The following MARCHF10 variants were observed in gnomAD, a reference collection of about 807,000 sequenced individuals.
The protein encoded by MARCHF10 is probable E3 ubiquitin-protein ligase MARCHF10.
MARCHF10 carries 64 observed loss-of-function variants against 76.2 expected under a neutral mutation model. The observed-to-expected ratio is 0.84, with a 90% CI of 0.69 to 1.03. The LOEUF is 1.03. Ranked by LOEUF, MARCHF10 falls within the 50% of genes least tolerant of loss-of-function variation. MARCHF10 has a pLI of 0.00. For missense variants in MARCHF10, 875 were observed against 958.0 expected (o/e 0.91, Z 1.14); for synonymous variants, 340 against 357.5 (o/e 0.95, Z 0.55).
chr17:62,781,593 A>G (rs529208114), intron 3 of MARCHF10, among the ~76,000 whole-genome samples: 1 of 152,294 alleles, frequency 6.6e-6, no homozygotes, highest in Admixed American at 6.5e-5. Context: ...ATGAAATCCA[A>G]CTGCTGCATA....
chr17:62,751,152 T>A (rs1221152194), intron 4 of MARCHF10, among the ~76,000 whole-genome samples: 1 of 152,190 alleles, frequency 6.6e-6, no homozygotes, highest in Non-Finnish European at 1.5e-5. Context: ...CTCAAACTGC[T>A]AACCTCGCTG....
chr17:62,742,943 T>C (rs1233402207), intron 5 of MARCHF10, among the ~76,000 whole-genome samples: 2 of 152,134 alleles, frequency 1.3e-5, no homozygotes, highest in Non-Finnish European at 2.9e-5. Context: ...AACCTCACCT[T>C]TCAAATAATA....
At chr17:62,767,205 A>G (rs2092352531) in intron 3 of MARCHF10, among the ~76,000 whole-genome samples, 1 of 152,196 alleles carries the variant, frequency 6.6e-6, no homozygotes, top group Non-Finnish European at 1.5e-5. Flanking sequence ...GAATGCTTAA[A>G]GTAGTACTTA....
intron 3 of MARCHF10, among the ~76,000 whole-genome samples, chr17:62,782,758 A>G (rs1003576536): frequency 6.6e-6 from 1 of 152,152 alleles, no homozygotes. Flanking sequence ...CTTGAGTTTC[A>G]TAAGAGATCT....
chr17:62,744,365 C>G lies in MARCHF10; in HGVS notation c.535+11G>C. On this transcript the variant is annotated intron_variant, in intron 5 of 10. Transcript: ENST00000311269. ...TCCAAGGACAAAGGTTCGGGAGCCCCGGGTCCTTACCTGCTCCCCTGGGAA... is the reference window on the plus strand; with the variant it reads ...TCCAAGGACAAAGGTTCGGGAGCCCGGGGTCCTTACCTGCTCCCCTGGGAA... 2.5e-6 allele frequency: 4 copies of G among 1,610,752 alleles called. No homozygotes were observed. The highest frequency in any genetic ancestry group is 2.5e-6 in the Non-Finnish European group (3 of 1,179,080).
chr17:62,771,476 G>T lies in MARCHF10; in HGVS notation c.211-11470C>A, dbSNP rs146260272. Among the ~76,000 whole-genome samples the T allele has an allele frequency of 4.6e-3, 700 of 152,218 alleles. 10 individuals carry two copies. Among genetic ancestry groups the T allele is most frequent in the African/African-American group, 0.015 (636 of 41,524 alleles). ...TGTAAGGAGAGCTAGATCTCGCAGG[G>T]CCTCGTTGGTTACATCCTCAAGCTA... is the stretch of plus-strand genomic sequence containing the variant. On this transcript the variant is annotated intron_variant, in intron 3 of 10. Transcript: ENST00000311269.
intron 3 of MARCHF10, among the ~76,000 whole-genome samples, chr17:62,774,288 A>G (rs74527486): frequency 0.027 from 4,153 of 152,274 alleles, 69 homozygotes; most frequent in East Asian, 0.059. Context: ...CTGAGATGCC[A>G]GGATGTGGCT....
At chr17:62,767,995 T>C (rs1474209759) in intron 3 of MARCHF10, among the ~76,000 whole-genome samples, 1 of 152,102 alleles carries the variant, frequency 6.6e-6, no homozygotes, top group Non-Finnish European at 1.5e-5. Flanking sequence ...CACCTCTGCC[T>C]ATCACCTTCC....
chr17:62,805,056 T>C (rs2093141713), intron 1 of MARCHF10: 1 of 152,292 alleles, frequency 6.6e-6, no homozygotes, highest in East Asian at 1.9e-4. Flanking sequence ...CCCTGAACAA[T>C]GGGGAAAACT....
rs115294990 is a variant in MARCHF10, at chr17:62,711,621, G to A, written c.2215-277C>T. Among the ~76,000 whole-genome samples, 263 of 152,350 alleles carry A rather than the reference G, an allele frequency of 1.7e-3. 2 individuals are homozygous for A. The highest frequency in any genetic ancestry group is 6.2e-3 in the African/African-American group (259 of 41,582). On this transcript the variant is annotated intron_variant, in intron 8 of 10. Transcript: ENST00000311269. The surrounding 1 kb of genome is among the most constrained non-coding windows in gnomAD (Gnocchi z 4.4). ...AATCCCATTCCACATTTATTGAGCA[G>A]TTACATATGCAAAGCCTTGAGCTGG...
intron 3 of MARCHF10, among the ~76,000 whole-genome samples, chr17:62,778,264 G>T (rs570889098): frequency 6.6e-6 from 1 of 152,182 alleles, no homozygotes; most frequent in South Asian, 2.1e-4. Flanking sequence ...GGTAGGCAGG[G>T]GTCAGGCACA....
chr17:62,772,299 T>C (rs1332654525), intron 3 of MARCHF10, among the ~76,000 whole-genome samples: 2 of 152,142 alleles, frequency 1.3e-5, no homozygotes, highest in Non-Finnish European at 2.9e-5. Context: ...AGTTCTCTCT[T>C]TGTCTGTCGC....
chr17:62,778,999 C>T (rs747876689), intron 3 of MARCHF10, among the ~76,000 whole-genome samples: 42 of 152,168 alleles, frequency 2.8e-4, no homozygotes, highest in South Asian at 1.9e-3. Flanking sequence ...AAAACAAACT[C>T]AAAGGAAAAT....
In MARCHF10 at chr17:62,739,156, G is replaced by A. The variant is rs372479301; in HGVS notation, c.536-1824C>T. 2.6e-5 allele frequency among the ~76,000 whole-genome samples: 4 copies of A among 152,122 alleles called. No individual in the cohort carries two copies. In the East Asian group the frequency reaches 7.8e-4, roughly 30 times the overall value. On this transcript the variant is annotated intron_variant, in intron 5 of 10. Transcript: ENST00000311269. Reference sequence around the variant, plus strand: ...TCTACTAAAAATACAAAAATTAGCCGGGTGCTGTGGTGTGTACCTGTAATC... The same window carrying A: ...TCTACTAAAAATACAAAAATTAGCCAGGTGCTGTGGTGTGTACCTGTAATC...
chr17:62,780,818 G>A (rs1220757875), intron 3 of MARCHF10: 2 of 152,166 alleles, frequency 1.3e-5, no homozygotes, highest in Non-Finnish European at 2.9e-5. Context: ...GGCCCGTGAT[G>A]TGTTGCTTTC....
In MARCHF10 at chr17:62,738,095, C is replaced by CACACACACAA. The variant is rs2091361326; in HGVS notation, c.536-764_536-763insTTGTGTGTGT. On this transcript the variant is annotated intron_variant, in intron 5 of 10. Transcript: ENST00000311269. This position sits in a 1 kb window ranked among gnomAD's most constrained non-coding sequence, Gnocchi z 4.0. ...ACACACACACACACACACACACACA[C>CACACACACAA]ACACAACTTAAGCCTCACAACCCTG... Among the ~76,000 whole-genome samples, 1 of 151,378 alleles carries CACACACACAA rather than the reference C, an allele frequency of 6.6e-6. No homozygotes were observed. Among genetic ancestry groups the CACACACACAA allele is most frequent in the African/African-American group, 2.4e-5 (1 of 41,160 alleles).
chr17:62,801,371 T>C (rs2093069120), intron 2 of MARCHF10, among the ~76,000 whole-genome samples: 1 of 151,986 alleles, frequency 6.6e-6, no homozygotes, highest in African/African-American at 2.4e-5. Context: ...GCCAGGATGG[T>C]CTCGATCTCC....
At chr17:62,705,196 A>T (rs1204817016) in intron 10 of MARCHF10, 3 of 1,231,514 alleles carry the variant, frequency 2.4e-6, no homozygotes, top group Non-Finnish European at 3.1e-6. Flanking sequence ...TCCTGGCAGT[A>T]AAAAAACCAA....
chr17:62,786,132 C>G (rs1016055579), intron 3 of MARCHF10, among the ~76,000 whole-genome samples: 2 of 151,890 alleles, frequency 1.3e-5, no homozygotes, highest in Non-Finnish European at 2.9e-5. Context: ...GGAACCAACC[C>G]AAATGTCCAT....
Sources: gnomAD v4.1 joint callset for allele counts (sites outside exome capture counted in the v4.1 genomes callset) on GRCh38, gnomAD v4.1.1 for gene constraint, Gnocchi (gnomAD v3.1) non-coding constraint, MANE v1.5 for transcripts, NCBI Gene and HGNC (gene_info 2026-07-23, HGNC 2026-07-21) for gene names.